The following EQTN variants were observed in gnomAD, a reference collection of about 807,000 sequenced individuals.
The protein encoded by EQTN is equatorin.
A neutral mutation model predicts 26.9 loss-of-function variants in EQTN; 29 were observed. The ratio of observed to expected loss-of-function variants is 1.08; its 90% CI spans 0.80 to 1.47. The LOEUF (loss-of-function observed/expected upper bound fraction) is 1.47, where lower values mean the gene tolerates loss of function less well. Among genes scored for constraint, EQTN ranks in the 40% most tolerant of loss-of-function variants. The pLI, the probability that EQTN is intolerant of heterozygous loss-of-function variation, is 0.00. For synonymous variants in EQTN, 129 were observed against 120.0 expected, an observed-to-expected ratio of 1.07 and a Z score of -0.49; for missense variants, 391 against 346.1, an observed-to-expected ratio of 1.13 and a Z score of -1.03.
intron 6 of EQTN, among the ~76,000 whole-genome samples, chr9:27,288,781 ACT>A (rs1820169713): frequency 6.6e-6 from 1 of 152,208 alleles, no homozygotes; most frequent in African/African-American, 2.4e-5. Flanking sequence ...TATGACTCCA[ACT>A]ATATGACATT....
intron 6 of EQTN, 41 bp from the exon 7 acceptor site, chr9:27,286,403 T>A (rs763765305): frequency 6.5e-7 from 1 of 1,545,128 alleles, no homozygotes; most frequent in Non-Finnish European, 8.8e-7. Context: ...GGGTGTTCAG[T>A]GTGTTCTCCT....
At chr9:27,292,574 A>T (rs1820259471) in intron 3 of EQTN, 87 bp from the exon 4 acceptor site, 2 of 692,032 alleles carry the variant, frequency 2.9e-6, no homozygotes, top group East Asian at 5.6e-5. Flanking sequence ...TATTAAATGG[A>T]TATTATGGAA....
chr9:27,295,217 G>T (rs1177004483), intron 2 of EQTN, among the ~76,000 whole-genome samples: 1 of 152,034 alleles, frequency 6.6e-6, no homozygotes, highest in Non-Finnish European at 1.5e-5. Context: ...CATAAAAACG[G>T]TACCATTAAT....
At chr9:27,286,607 A>C (rs1287499444) in intron 6 of EQTN, among the ~76,000 whole-genome samples, 2 of 152,240 alleles carry the variant, frequency 1.3e-5, no homozygotes, top group Non-Finnish European at 2.9e-5. Flanking sequence ...TTACAGTATC[A>C]CAGAAGTTTC....
At position 27,296,751 on chromosome 9, in the gene EQTN, A is replaced by G. The variant is rs1253310646; in HGVS notation, c.77-13T>C. ...ACATTAGGCAATGCTAAAAAAAAGT[A>G]TCACACACCATAGATCAGAAATATG... On this transcript the variant is annotated splice_polypyrimidine_tract_variant and intron_variant, in intron 1 of 7. Transcript: ENST00000380032. The G allele has an allele frequency of 2.5e-6, 4 of 1,598,410 alleles. No individual in the cohort carries two copies.
chr9:27,286,791 G>A (rs1820134137), intron 6 of EQTN, among the ~76,000 whole-genome samples: 1 of 152,148 alleles, frequency 6.6e-6, no homozygotes, highest in African/African-American at 2.4e-5. Context: ...GGAGGTAAAG[G>A]TGCATGCTCT....
At chr9:27,290,547 T>C (rs1820213992) in intron 5 of EQTN, among the ~76,000 whole-genome samples, 1 of 152,282 alleles carries the variant, frequency 6.6e-6, no homozygotes, top group Non-Finnish European at 1.5e-5. Context: ...ATTACCTTTA[T>C]ACATGTGTAC....
chr9:27,294,345 G>C lies in EQTN; in HGVS notation c.260C>G (p.Thr87Arg), dbSNP rs768432218. The change falls in exon 3 of 8, where the codon ACA becomes AGA. Residue 87 changes from threonine to arginine, a missense_variant. Thr to Arg is a moderately conservative substitution (Grantham distance 71). Coordinates refer to ENST00000380032, the MANE Select transcript of EQTN (RefSeq NM_020641.3). Reference protein sequence around the residue: ...GTESEISVRATTDLNFALKND... With the variant: ...GTESEISVRARTDLNFALKND... ...TTTTAGAGCAAAATTCAGGTCAGTT[G>C]TGGCTCTCACAGATATTTCAGACTC... 6.2e-7 allele frequency: 1 copy of C among 1,609,850 alleles called. No homozygotes were observed. The highest frequency in any genetic ancestry group is 2.2e-5 in the East Asian group (1 of 44,836).
At chr9:27,293,220 A>G (rs1820271788) in intron 3 of EQTN, among the ~76,000 whole-genome samples, 1 of 152,182 alleles carries the variant, frequency 6.6e-6, no homozygotes, top group Admixed American at 6.5e-5. Flanking sequence ...CTTGCTGCCA[A>G]GGAAAGTTGG....
chr9:27,286,627 G>C (rs2038572), intron 6 of EQTN, among the ~76,000 whole-genome samples: 149,744 of 152,326 alleles, frequency 0.98, 73,657 homozygotes, highest in East Asian at 1. Flanking sequence ...CTGTGTTTGC[G>C]CATAGCACAT....
At chr9:27,289,355 G>A (rs1220874263) in intron 6 of EQTN, among the ~76,000 whole-genome samples, 2 of 152,116 alleles carry the variant, frequency 1.3e-5, no homozygotes, top group Non-Finnish European at 2.9e-5. Context: ...CCTTTCATAC[G>A]CCAGACTTCA....
chr9:27,284,735 C>G lies in EQTN; in HGVS notation c.873G>C (p.Ser291=), dbSNP rs1820080599. The G allele has an allele frequency of 2.5e-6, 4 of 1,613,000 alleles. No homozygotes were observed. Among genetic ancestry groups the G allele is most frequent in the Non-Finnish European group, 3.4e-6 (4 of 1,179,524 alleles). ...TTCCTTGATTTCTTCACCGGGTAAC[C>G]GACTCATCGTTTTCATGCATCTCAT... ...SDNEMHENDE[S]VTR Residue 291 remains serine, a synonymous_variant, in exon 8 of 8, where the codon TCG becomes TCC. Transcript: ENST00000380032.
rs745628813 is a variant in EQTN, at chr9:27,289,681, G to A, written c.472C>T (p.Pro158Ser). ...VMDDKDQLFHPIPESDVNATQ... is the reference protein window; with the variant it reads ...VMDDKDQLFHSIPESDVNATQ... ...AATATTTTGTTCTTACCTGGAATTG[G>A]GTGAAATAATTGATCTTTATCATCC... Residue 158 changes from proline to serine, a missense_variant, in exon 6 of 8, where the codon CCA becomes TCA. Coordinates refer to ENST00000380032, the MANE Select transcript of EQTN (RefSeq NM_020641.3). 6.2e-7 allele frequency: 1 copy of A among 1,604,448 alleles called. No individual in the cohort carries two copies. Among genetic ancestry groups the A allele is most frequent in the African/African-American group, 1.3e-5 (1 of 74,712 alleles).
At position 27,294,687 on chromosome 9, in the gene EQTN, G is replaced by A. The variant is rs1429248066; in HGVS notation, c.203-285C>T. 2.0e-5 allele frequency among the ~76,000 whole-genome samples: 3 copies of A among 152,162 alleles called. No individual in the cohort carries two copies. The East Asian group carries it at 5.8e-4, about 29-fold the overall frequency. The stretch of plus-strand genomic sequence containing the variant: ...AATATGTAAGCACATAACAGGTGCT[G>A]AAGTAGATTTGTAGATGTGCAACAT... On this transcript the variant is annotated intron_variant, in intron 2 of 7. Coordinates refer to ENST00000380032, the MANE Select transcript of EQTN (RefSeq NM_020641.3).
At chr9:27,290,472 A>G (rs1820212550) in intron 5 of EQTN, among the ~76,000 whole-genome samples, 2 of 152,258 alleles carry the variant, frequency 1.3e-5, no homozygotes, top group Non-Finnish European at 2.9e-5. Flanking sequence ...ATATGCAAAT[A>G]ATGATCAACT....
intron 6 of EQTN, 148 bp from the exon 7 acceptor site, chr9:27,286,510 G>A (rs1373937284): frequency 5.3e-6 from 4 of 751,160 alleles, no homozygotes; most frequent in Non-Finnish European, 8.5e-6. Context: ...CAATGCAAAG[G>A]AGAAAGCTAC....
chr9:27,290,756 T>C (rs1234572618), intron 5 of EQTN, among the ~76,000 whole-genome samples: 1 of 152,250 alleles, frequency 6.6e-6, no homozygotes, highest in Non-Finnish European at 1.5e-5. Flanking sequence ...TGAGCAAGAA[T>C]CTTATTGAAA....
chr9:27,286,359 G>C lies in EQTN; in HGVS notation c.485C>G (p.Ser162Cys). 1 of 1,588,352 alleles carries C rather than the reference G, an allele frequency of 6.3e-7. No individual in the cohort carries two copies. The highest frequency in any genetic ancestry group is 8.6e-7 in the Non-Finnish European group (1 of 1,165,972). Residue 162 changes from serine to cysteine, a missense_variant, in exon 7 of 8, where the codon TCT becomes TGT. By Grantham distance (112) the Ser-to-Cys change is moderately radical. Coordinates refer to ENST00000380032, the MANE Select transcript of EQTN (RefSeq NM_020641.3). ...KDQLFHPIPE[S>C]DVNATQGENQ... ...TTCTCCCTGTGTAGCATTCACATCA[G>C]ACTCTGAAAAGAAAGAGAATGCAGT...
chr9:27,289,056 AG>A (rs1820174904), intron 6 of EQTN, among the ~76,000 whole-genome samples: 1 of 152,264 alleles, frequency 6.6e-6, no homozygotes, highest in South Asian at 2.1e-4. Flanking sequence ...ATTGTAACAA[AG>A]GTACCACATC....
Sources: allele counts gnomAD v4.1 joint callset (sites outside exome capture counted in the v4.1 genomes callset), GRCh38; gene constraint gnomAD v4.1.1; transcripts MANE v1.5; gene names NCBI Gene and HGNC (gene_info 2026-07-23, HGNC 2026-07-21).